Variants in ABCA13 observed in about 807,000 individuals in gnomAD.
ABCA13 encodes ATP-binding cassette sub-family A member 13.
ABCA13 carries 476 observed loss-of-function variants against 478.7 expected under a neutral mutation model. The observed-to-expected ratio is 0.99, with a 90% CI of 0.92 to 1.07. ABCA13 has a LOEUF of 1.07. ABCA13 is among the 50% of genes least tolerant of loss of function. The pLI, the probability that ABCA13 is intolerant of heterozygous loss-of-function variation, is 0.00. For missense variants in ABCA13, 6,060 were observed against 5,910.6 expected, an observed-to-expected ratio of 1.03 and a Z score of -0.83; for synonymous variants, 2,252 against 2,158.9, an observed-to-expected ratio of 1.04 and a Z score of -1.20.
intron 8 of ABCA13, among the ~76,000 whole-genome samples, chr7:48,236,930 G>A (rs6944866): frequency 0.14 from 21,156 of 151,564 alleles, 1,581 homozygotes; most frequent in African/African-American, 0.2. Flanking sequence ...GTAGAGAAAG[G>A]GTTTAATTAA....
intron 3 of ABCA13, among the ~76,000 whole-genome samples, chr7:48,216,138 G>A (rs1188469335): frequency 6.6e-6 from 1 of 152,098 alleles, no homozygotes; most frequent in Non-Finnish European, 1.5e-5. Context: ...TCATATGATA[G>A]CTCTACGTCT....
At chr7:48,637,074 C>T (rs1291325162) in intron 59 of ABCA13, among the ~76,000 whole-genome samples, 2 of 152,058 alleles carry the variant, frequency 1.3e-5, no homozygotes, top group South Asian at 4.1e-4. Flanking sequence ...AATCCACTCT[C>T]CCAAGGGAAC....
intron 5 of ABCA13, among the ~76,000 whole-genome samples, chr7:48,222,157 C>G (rs141880905): frequency 2.3e-4 from 35 of 152,248 alleles, no homozygotes; most frequent in Non-Finnish European, 2.4e-4. Flanking sequence ...AATAATGACA[C>G]TAGCAAAGAG....
At chr7:48,230,384 G>A (rs1037517179) in intron 7 of ABCA13, among the ~76,000 whole-genome samples, 3 of 152,166 alleles carry the variant, frequency 2.0e-5, no homozygotes, top group African/African-American at 7.2e-5. Context: ...AACTAAATAA[G>A]CAGCCCTACC....
rs778679233 is a variant in ABCA13 at position 48,580,216 on chromosome 7, C to T, written c.14355-8C>T. 1.2e-6 allele frequency: 2 copies of T among 1,605,042 alleles called. No homozygotes were observed. Among genetic ancestry groups the T allele is most frequent in the Non-Finnish European group, 1.7e-6 (2 of 1,176,468 alleles). ...GCTGTTCTCAGCCTGTGCTGCTTCT[C>T]TCTGCAGAGACGCCGTGGACCTGTC... On this transcript the variant is annotated splice_region_variant and splice_polypyrimidine_tract_variant and intron_variant, in intron 55 of 61. Coordinates refer to ENST00000435803, the MANE Select transcript of ABCA13 (RefSeq NM_152701.5).
At chr7:48,486,251 T>G (rs1309143854) in intron 47 of ABCA13, among the ~76,000 whole-genome samples, 1 of 152,176 alleles carries the variant, frequency 6.6e-6, no homozygotes, top group Non-Finnish European at 1.5e-5. Flanking sequence ...AGCAGCATCA[T>G]TCTTTGAAGA....
chr7:48,425,624 T>G (rs1255764542), intron 41 of ABCA13, among the ~76,000 whole-genome samples: 1 of 152,208 alleles, frequency 6.6e-6, no homozygotes, highest in Non-Finnish European at 1.5e-5. Context: ...CATCCTTATC[T>G]AGCTACTGTT....
intron 47 of ABCA13, among the ~76,000 whole-genome samples, chr7:48,485,901 C>A (rs755915746): frequency 1.3e-5 from 2 of 152,180 alleles, no homozygotes; most frequent in African/African-American, 4.8e-5. Context: ...CTGCCAGGTG[C>A]TTCCCCTTCC....
intron 5 of ABCA13, among the ~76,000 whole-genome samples, chr7:48,224,650 A>C (rs966392952): frequency 6.6e-6 from 1 of 152,146 alleles, no homozygotes; most frequent in Non-Finnish European, 1.5e-5. Context: ...TGTTGGATTT[A>C]AAAAAACCTC....
chr7:48,448,300 C>G (rs1219846005), intron 42 of ABCA13, among the ~76,000 whole-genome samples: 1 of 152,226 alleles, frequency 6.6e-6, no homozygotes, highest in African/African-American at 2.4e-5. Flanking sequence ...GAAGACCTGT[C>G]TTTGGTGCAT....
intron 13 of ABCA13, 123 bp from the exon 14 acceptor site, chr7:48,248,116 C>T (rs552018106): frequency 3.9e-5 from 29 of 744,518 alleles, no homozygotes; most frequent in South Asian, 2.5e-4. Context: ...CCATAGGGCA[C>T]GATCTTTGAT....
intron 27 of ABCA13, among the ~76,000 whole-genome samples, chr7:48,328,717 A>C (rs1804708237): frequency 6.6e-6 from 1 of 152,154 alleles, no homozygotes; most frequent in South Asian, 2.1e-4. Flanking sequence ...ATGAGGAAAA[A>C]TTATAAACAT....
intron 55 of ABCA13, among the ~76,000 whole-genome samples, chr7:48,529,633 G>A (rs56395407): frequency 0.13 from 20,127 of 152,088 alleles, 1,651 homozygotes; most frequent in African/African-American, 0.2. Flanking sequence ...AATAAAAATC[G>A]ATTAAACATT....
At chr7:48,459,708 G>T (rs1276272295) in intron 43 of ABCA13, among the ~76,000 whole-genome samples, 2 of 152,120 alleles carry the variant, frequency 1.3e-5, no homozygotes, top group African/African-American at 2.4e-5. Flanking sequence ...CTGCCAACAT[G>T]TCTATAAATG....
In ABCA13 at chr7:48,419,581, T is replaced by G. The variant is rs567039405; in HGVS notation, c.12459+6998T>G. On this transcript the variant is annotated intron_variant, in intron 41 of 61. Transcript: ENST00000435803. ...TGCAATTTTTTAAATCCAGGATTCA[T>G]GTTCTTGCTGTTAGTCACCCCAGAA... Among the ~76,000 whole-genome samples the G allele has an allele frequency of 2.0e-5, 3 of 152,288 alleles. No individual in the cohort carries two copies. In the East Asian group the frequency reaches 5.8e-4, roughly 29 times the overall value.
intron 19 of ABCA13, among the ~76,000 whole-genome samples, chr7:48,285,741 AC>A (rs1797643933): frequency 6.6e-6 from 1 of 152,220 alleles, no homozygotes; most frequent in African/African-American, 2.4e-5. Context: ...ACTTATAAAC[AC>A]ATTATTGTGT....
At chr7:48,227,213 T>A in intron 5 of ABCA13, 49 bp from the exon 6 acceptor site, 1 of 1,600,726 alleles carries the variant, frequency 6.2e-7, no homozygotes, top group Non-Finnish European at 8.5e-7. Context: ...ATTTACTTTA[T>A]TAATAAAACT....
chr7:48,632,063 C>A (rs1368093326), intron 59 of ABCA13, among the ~76,000 whole-genome samples: 1 of 152,116 alleles, frequency 6.6e-6, no homozygotes, highest in Non-Finnish European at 1.5e-5. Flanking sequence ...CAGGAGTCTT[C>A]TGGAGGAGTC....
intron 55 of ABCA13, among the ~76,000 whole-genome samples, chr7:48,558,496 C>T (rs1446139911): frequency 6.6e-6 from 1 of 151,994 alleles, no homozygotes; most frequent in Non-Finnish European, 1.5e-5. Flanking sequence ...TGGGGTTTCA[C>T]CATGTTGCCC....
Sources: allele counts gnomAD v4.1 joint callset (sites outside exome capture counted in the v4.1 genomes callset), GRCh38; gene constraint gnomAD v4.1.1; transcripts MANE v1.5; gene names NCBI Gene and HGNC (gene_info 2026-07-23, HGNC 2026-07-21).